Variants in ZNF536 observed in about 807,000 individuals in gnomAD.
ZNF536 encodes zinc finger protein 536.
Under a neutral mutation model 84.5 loss-of-function variants are expected in ZNF536, and 13 were observed. The observed-to-expected ratio is 0.15, with a 90% CI of 0.10 to 0.24. ZNF536 has a LOEUF of 0.24. Among genes scored for constraint, ZNF536 ranks in the 10% least tolerant of loss-of-function variants. The pLI is 1.00. For synonymous variants in ZNF536, 811 were observed against 742.5 expected, an observed-to-expected ratio of 1.09 and a Z score of -1.50; for missense variants, 1,536 against 1,747.5, an observed-to-expected ratio of 0.88 and a Z score of 2.16.
intron 1 of ZNF536, among the ~76,000 whole-genome samples, chr19:30,238,664 CTCTA>C (rs561798582): frequency 2.6e-5 from 4 of 151,960 alleles, no homozygotes; most frequent in Non-Finnish European, 4.4e-5. Context: ...CTATCTGTCT[CTCTA>C]TCTATCTGTC....
In ZNF536 at chr19:30,658,715, CT is replaced by C. The variant is rs917217395; in HGVS notation, c.170-52033del. Among the ~76,000 whole-genome samples, 45 of 151,670 alleles carry C rather than the reference CT, an allele frequency of 3.0e-4. No homozygotes were observed. In the East Asian group the frequency reaches 3.7e-3, roughly 12 times the overall value. On this transcript the variant is annotated intron_variant, in intron 1 of 1. Transcript: ENST00000592773. The stretch of plus-strand genomic sequence containing the variant: ...AATTATGTGTGTTTGACTTCTTCCT[CT>C]TTTTTTTTCTGGTCTGACTCTCCCA...
At chr19:30,404,419 T>C (rs578083605) in intron 1 of ZNF536, among the ~76,000 whole-genome samples, 11 of 152,326 alleles carry the variant, frequency 7.2e-5, no homozygotes, top group Admixed American at 2.6e-4. Context: ...GCGCATGGCA[T>C]GTGGAGACAG....
chr19:30,623,046 T>TG (rs1467656003), intron 1 of ZNF536, among the ~76,000 whole-genome samples: 7 of 148,482 alleles, frequency 4.7e-5, no homozygotes, highest in African/African-American at 1.7e-4. Context: ...TTTTGTTTTT[T>TG]TGTTTTTTTG....
intron 1 of ZNF536, among the ~76,000 whole-genome samples, chr19:30,378,740 A>C (rs1206153678): frequency 6.6e-6 from 1 of 152,228 alleles, no homozygotes; most frequent in East Asian, 1.9e-4. Context: ...CAGGAACAAA[A>C]ACTGGTGAAC....
chr19:30,414,306 C>G (rs752316909), intron 1 of ZNF536, among the ~76,000 whole-genome samples: 4 of 151,964 alleles, frequency 2.6e-5, no homozygotes, highest in Non-Finnish European at 4.4e-5. Flanking sequence ...TATATTTAAC[C>G]TAATCCAATA....
chr19:30,576,960 G>C (rs1183830263), intron 1 of ZNF536, among the ~76,000 whole-genome samples: 1 of 152,208 alleles, frequency 6.6e-6, no homozygotes, highest in East Asian at 1.9e-4. Context: ...TCTTTTGCCT[G>C]GTTTTATTTG....
chr19:30,299,704 C>T (rs1168984815), intron 2 of ZNF536, among the ~76,000 whole-genome samples: 1 of 152,120 alleles, frequency 6.6e-6, no homozygotes, highest in African/African-American at 2.4e-5. Flanking sequence ...GAAGATCTAT[C>T]ATCCCATGGT....
chr19:30,337,111 C>A (rs886417157), intron 2 of ZNF536, among the ~76,000 whole-genome samples: 3 of 152,098 alleles, frequency 2.0e-5, no homozygotes, highest in African/African-American at 7.2e-5. Context: ...CTTTCTGATT[C>A]TCCTTTACCC....
intron 2 of ZNF536, among the ~76,000 whole-genome samples, chr19:30,450,808 G>T (rs1254093344): frequency 6.6e-6 from 1 of 151,674 alleles, no homozygotes; most frequent in Non-Finnish European, 1.5e-5. Flanking sequence ...TTCCCCCTAC[G>T]CCTCCCCCTG....
chr19:30,350,473 A>T (rs2047897908), intron 2 of ZNF536, among the ~76,000 whole-genome samples: 1 of 152,244 alleles, frequency 6.6e-6, no homozygotes, highest in African/African-American at 2.4e-5. Context: ...CATGTTAATT[A>T]ATGTGTGCAA....
intron 2 of ZNF536, among the ~76,000 whole-genome samples, chr19:30,486,479 A>T (rs1184674302): frequency 6.6e-6 from 1 of 152,068 alleles, no homozygotes; most frequent in Non-Finnish European, 1.5e-5. Flanking sequence ...CATGTACCAC[A>T]TTTTCTTTAT....
intron 1 of ZNF536, among the ~76,000 whole-genome samples, chr19:30,606,822 G>C (rs192979912): frequency 1.3e-5 from 2 of 152,120 alleles, no homozygotes; most frequent in African/African-American, 2.4e-5. Context: ...CCTCCTGTAC[G>C]TAAAGAGGGC....
intron 1 of ZNF536, among the ~76,000 whole-genome samples, chr19:30,374,561 A>G (rs2048733335): frequency 6.6e-6 from 1 of 152,226 alleles, no homozygotes; most frequent in South Asian, 2.1e-4. Flanking sequence ...ACCGCCCTGA[A>G]GAAAGGCGCC....
chr19:30,635,138 A>G (rs1232688700), intron 1 of ZNF536, among the ~76,000 whole-genome samples: 1 of 152,076 alleles, frequency 6.6e-6, no homozygotes. Context: ...CCATATCCCC[A>G]TGCACATTCG....
intron 1 of ZNF536, among the ~76,000 whole-genome samples, chr19:30,666,832 G>GTGTATATATA (rs71333464): frequency 2.0e-5 from 3 of 149,108 alleles, no homozygotes; most frequent in African/African-American, 7.4e-5. Context: ...GTGTGTGTGT[G>GTGTATATATA]TATATATATA....
intron 2 of ZNF536, among the ~76,000 whole-genome samples, chr19:30,508,514 T>A (rs949614295): frequency 6.6e-6 from 1 of 152,116 alleles, no homozygotes; most frequent in African/African-American, 2.4e-5. Flanking sequence ...GAGGCAGGTT[T>A]GATTTAATGA....
intron 2 of ZNF536, among the ~76,000 whole-genome samples, chr19:30,351,437 A>C (rs1314663886): frequency 1.3e-5 from 2 of 152,276 alleles, no homozygotes; most frequent in Admixed American, 6.5e-5. Flanking sequence ...TACATGCGCC[A>C]ACATCTGCTC....
chr19:30,655,277 A>G (rs938280559), intron 1 of ZNF536, among the ~76,000 whole-genome samples: 1 of 152,180 alleles, frequency 6.6e-6, no homozygotes, highest in Non-Finnish European at 1.5e-5. Context: ...TGACTGCAAG[A>G]GCTTCCTGCT....
intron 1 of ZNF536, among the ~76,000 whole-genome samples, chr19:30,279,171 T>C (rs2045347725): frequency 6.6e-6 from 1 of 152,248 alleles, no homozygotes; most frequent in South Asian, 2.1e-4. Context: ...AGGTCTTCTC[T>C]GATTGTCACT....
Sources: gnomAD v4.1 joint callset for allele counts (sites outside exome capture counted in the v4.1 genomes callset) on GRCh38, gnomAD v4.1.1 for gene constraint, MANE v1.5 for transcripts, NCBI Gene and HGNC (gene_info 2026-07-23, HGNC 2026-07-21) for gene names.